The following ANGPT2 variants were observed in gnomAD, a reference collection of about 807,000 sequenced individuals.
ANGPT2 encodes the protein angiopoietin-2.
In ANGPT2, 28 loss-of-function variants were observed where a neutral mutation model predicts 62.9. The ratio of observed to expected loss-of-function variants is 0.44; its 90% confidence interval spans 0.33 to 0.61. The LOEUF (loss-of-function observed/expected upper bound fraction) is 0.61, where lower values mean the gene tolerates loss of function less well. Ranked by LOEUF, ANGPT2 falls within the 20% of genes least tolerant of loss-of-function variation. ANGPT2 has a pLI of 0.03. For synonymous variants in ANGPT2, 284 were observed against 207.8 expected (o/e 1.37, Z -3.15); for missense variants, 727 against 594.9 (o/e 1.22, Z -2.31).
In ANGPT2 at chr8:6,558,534, A is replaced by G. The variant is rs187738090; in HGVS notation, c.288+4113T>C. Among the ~76,000 whole-genome samples, 36 of 152,202 alleles carry G rather than the reference A, an allele frequency of 2.4e-4. 1 individual carries two copies. The highest frequency in any genetic ancestry group is 3.8e-4 in the Non-Finnish European group (26 of 68,038). The stretch of plus-strand genomic sequence containing the variant: ...CCATTATCCTTCTCAAGTTTCATCT[A>G]CGGTAACTGGCTTACAGATAAACTT... On this transcript the variant is annotated intron_variant, in intron 1 of 8. Coordinates refer to ENST00000629816, the MANE Select transcript of ANGPT2 (RefSeq NM_001118887.2).
chr8:6,506,859 A>T (rs1034453585), intron 8 of ANGPT2, among the ~76,000 whole-genome samples: 1 of 151,334 alleles, frequency 6.6e-6, no homozygotes, highest in Non-Finnish European at 1.5e-5. Flanking sequence ...ACTGAATTTC[A>T]TATTATTTTC....
At chr8:6,507,458 A>G (rs1210726185) in intron 8 of ANGPT2, 1 of 152,130 alleles carries the variant, frequency 6.6e-6, no homozygotes, top group Non-Finnish European at 1.5e-5. Context: ...TTTTTCAAGA[A>G]CTAACTTGAC....
chr8:6,507,292 C>T (rs939740809), intron 8 of ANGPT2, among the ~76,000 whole-genome samples: 1 of 152,204 alleles, frequency 6.6e-6, no homozygotes, highest in African/African-American at 2.4e-5. Flanking sequence ...TTGACCATAG[C>T]TGTTACCTTT....
chr8:6,514,288 C>T lies in ANGPT2; in HGVS notation c.1029+389G>A, dbSNP rs534843761. 3.0e-4 allele frequency among the ~76,000 whole-genome samples: 45 copies of T among 152,306 alleles called. No individual in the cohort carries two copies. In the South Asian group the frequency reaches 8.9e-3, roughly 30 times the overall value. ...GACTGCACCCTCTGCCTCCCAGGTTCAAGCGATTCTCCTGCCTCAGCCTCC... is the reference window on the plus strand; with the variant it reads ...GACTGCACCCTCTGCCTCCCAGGTTTAAGCGATTCTCCTGCCTCAGCCTCC... On this transcript the variant is annotated intron_variant, in intron 6 of 8. Coordinates refer to ENST00000629816, the MANE Select transcript of ANGPT2 (RefSeq NM_001118887.2).
intron 3 of ANGPT2, among the ~76,000 whole-genome samples, chr8:6,524,416 T>A (rs1190249531): frequency 2.6e-5 from 4 of 152,222 alleles, no homozygotes; most frequent in African/African-American, 9.6e-5. Flanking sequence ...ACCTGCTTGA[T>A]AAAGAAACCT....
At chr8:6,511,112 A>C (rs565728502) in intron 7 of ANGPT2, among the ~76,000 whole-genome samples, 2 of 152,292 alleles carry the variant, frequency 1.3e-5, no homozygotes, top group Admixed American at 6.5e-5. Context: ...GAACTTGTTA[A>C]ATTATCCCCA....
intron 3 of ANGPT2, among the ~76,000 whole-genome samples, chr8:6,526,375 A>C (rs528917574): frequency 6.6e-6 from 1 of 151,774 alleles, no homozygotes; most frequent in African/African-American, 2.4e-5. Context: ...TTGAGGATGC[A>C]GTAAGCTGAG....
At chr8:6,520,402 C>A (rs1045803128) in intron 4 of ANGPT2, among the ~76,000 whole-genome samples, 3 of 152,118 alleles carry the variant, frequency 2.0e-5, no homozygotes, top group Non-Finnish European at 4.4e-5. Flanking sequence ...ATCATGACCC[C>A]ATTGCCTGCC....
At chr8:6,543,525 G>A (rs1056574354) in intron 1 of ANGPT2, among the ~76,000 whole-genome samples, 2 of 152,124 alleles carry the variant, frequency 1.3e-5, no homozygotes, top group African/African-American at 4.8e-5. Context: ...TCCCATCTGC[G>A]GAATAAACCC....
chr8:6,513,943 T>C, intron 6 of ANGPT2, 99 bp from the exon 7 acceptor site: 1 of 1,159,404 alleles, frequency 8.6e-7, no homozygotes, highest in East Asian at 2.5e-5. Flanking sequence ...AACTATCAAA[T>C]AGCAGAAATT....
At chr8:6,537,562 G>A (rs1453965156) in intron 1 of ANGPT2, among the ~76,000 whole-genome samples, 2 of 145,182 alleles carry the variant, frequency 1.4e-5, no homozygotes, top group African/African-American at 2.5e-5. Context: ...ATATATATAT[G>A]TTTACATTAA....
intron 8 of ANGPT2, among the ~76,000 whole-genome samples, chr8:6,507,353 C>T (rs1020903373): frequency 2.6e-5 from 4 of 152,090 alleles, no homozygotes; most frequent in African/African-American, 9.7e-5. Context: ...GATTTATGTT[C>T]TCTAGAAATT....
intron 8 of ANGPT2, among the ~76,000 whole-genome samples, chr8:6,505,179 T>TATATATATATAGTCTTATGTATATATAGA (rs1813051072): frequency 8.2e-6 from 1 of 122,648 alleles, no homozygotes; most frequent in Admixed American, 9.4e-5. Flanking sequence ...CCAAAGAATA[T>TATATATATATAGTCTTATGTATATATAGA]ATATATATAT....
Position 6,501,915 on chromosome 8 carries a change from T to C in ANGPT2, c.*1186A>G, listed in dbSNP as rs1259874257. ...TATTATGAACATCAGATTTTGTTTTTGCACTTTGAAACCCTTTTTTTTTTT... is the reference window on the plus strand; with the variant it reads ...TATTATGAACATCAGATTTTGTTTTCGCACTTTGAAACCCTTTTTTTTTTT... On this transcript the variant is annotated 3_prime_UTR_variant, in exon 9 of 9. Coordinates refer to ENST00000629816, the MANE Select transcript of ANGPT2 (RefSeq NM_001118887.2). The C allele has an allele frequency of 6.9e-6, 1 of 145,340 alleles. No homozygotes were observed. The highest frequency in any genetic ancestry group is 2.5e-5 in the African/African-American group (1 of 40,274). 9.0% of individuals were successfully genotyped at this position (145,340 alleles called of 1,614,324 possible).
At chr8:6,514,170 C>T (rs1431461764) in intron 6 of ANGPT2, among the ~76,000 whole-genome samples, 1 of 152,098 alleles carries the variant, frequency 6.6e-6, no homozygotes, top group Non-Finnish European at 1.5e-5. Flanking sequence ...ATGCTGAGTC[C>T]ACCTTTAAAA....
intron 5 of ANGPT2, 100 bp downstream of exon 5, chr8:6,519,764 G>T: frequency 6.9e-7 from 1 of 1,456,520 alleles, no homozygotes; most frequent in Non-Finnish European, 9.4e-7. Flanking sequence ...TGTGAGGCTG[G>T]GGAAGATCTT....
chr8:6,505,523 CTTTAT>C lies in ANGPT2; in HGVS notation c.1328-2267_1328-2263del, dbSNP rs1284084140. ...TATATGTATATATAGAATATATATT[CTTTAT>C]ATATGTATATATAGAATATATATAC... On this transcript the variant is annotated intron_variant, in intron 8 of 8. Transcript: ENST00000629816. 8.6e-5 allele frequency among the ~76,000 whole-genome samples: 5 copies of C among 57,820 alleles called. 2 individuals carry two copies. Among genetic ancestry groups the C allele is most frequent in the Non-Finnish European group, 2.2e-4 (5 of 22,442 alleles). The allele number at this position is 57,820 out of a possible 152,430, so 37.9% of individuals were successfully genotyped here.
chr8:6,538,686 C>G (rs778827636), intron 1 of ANGPT2, among the ~76,000 whole-genome samples: 6 of 152,202 alleles, frequency 3.9e-5, no homozygotes, highest in Non-Finnish European at 8.8e-5. Flanking sequence ...TTTTGTGTTT[C>G]CTTTTGATAT....
chr8:6,559,915 T>C (rs907392272), intron 1 of ANGPT2, among the ~76,000 whole-genome samples: 2 of 152,212 alleles, frequency 1.3e-5, no homozygotes, highest in Non-Finnish European at 2.9e-5. Context: ...TCCTGTATTG[T>C]TCCATTCATA....
Sources: gnomAD v4.1 joint callset for allele counts (sites outside exome capture counted in the v4.1 genomes callset) on GRCh38, gnomAD v4.1.1 for gene constraint, MANE v1.5 for transcripts, NCBI Gene and HGNC (gene_info 2026-07-23, HGNC 2026-07-21) for gene names.